The following NAALADL2 variants were observed in gnomAD, a reference collection of about 807,000 sequenced individuals.
NAALADL2 encodes N-acetylated alpha-linked acidic dipeptidase like 2.
In NAALADL2, 76 loss-of-function variants were observed where a neutral mutation model predicts 87.2. The ratio of observed to expected loss-of-function variants is 0.87; its 90% confidence interval spans 0.72 to 1.05. The LOEUF (loss-of-function observed/expected upper bound fraction) is 1.05, where lower values mean the gene tolerates loss of function less well. NAALADL2 is among the 50% of genes least tolerant of loss of function. The probability of loss-of-function intolerance (pLI) is 0.00; values close to 1 mark genes in which losing one functional copy is unlikely to be tolerated. For synonymous variants in NAALADL2, 354 were observed against 331.0 expected, an observed-to-expected ratio of 1.07 and a Z score of -0.75; for missense variants, 1,089 against 945.8, an observed-to-expected ratio of 1.15 and a Z score of -1.99.
At chr3:174,776,228 A>G (rs905464054) in intron 3 of NAALADL2, among the ~76,000 whole-genome samples, 1 of 152,094 alleles carries the variant, frequency 6.6e-6, no homozygotes, top group African/African-American at 2.4e-5. Flanking sequence ...TAACATCAAC[A>G]ATACTCTAAG....
intron 2 of NAALADL2, among the ~76,000 whole-genome samples, chr3:174,605,394 A>G (rs1339261734): frequency 6.6e-6 from 1 of 152,218 alleles, no homozygotes; most frequent in Non-Finnish European, 1.5e-5. Context: ...ACAAGGGGTC[A>G]GGGAGTTCCC....
intron 1 of NAALADL2, among the ~76,000 whole-genome samples, chr3:174,868,347 T>A (rs1376710398): frequency 6.6e-6 from 1 of 152,150 alleles, no homozygotes; most frequent in Non-Finnish European, 1.5e-5. Context: ...GATGTGCTTA[T>A]TTATATTTGT....
intron 1 of NAALADL2, among the ~76,000 whole-genome samples, chr3:174,880,555 C>T (rs1270221589): frequency 1.3e-5 from 2 of 151,922 alleles, no homozygotes; most frequent in Admixed American, 1.3e-4. Flanking sequence ...TTACTTCTAC[C>T]CTTGCATCTC....
chr3:174,992,141 A>G (rs546237658), intron 1 of NAALADL2, among the ~76,000 whole-genome samples: 2 of 152,188 alleles, frequency 1.3e-5, no homozygotes, highest in Admixed American at 6.6e-5. Context: ...AGATATTGCA[A>G]TGAATATGGT....
intron 3 of NAALADL2, among the ~76,000 whole-genome samples, chr3:174,787,598 T>TATATATACACAC (rs1716902975): frequency 1.7e-5 from 1 of 60,184 alleles, no homozygotes; most frequent in African/African-American, 5.8e-5. Context: ...TATATATATA[T>TATATATACACAC]ATATATATAT....
At chr3:174,622,887 C>T (rs1485100009) in intron 2 of NAALADL2, among the ~76,000 whole-genome samples, 1 of 151,962 alleles carries the variant, frequency 6.6e-6, no homozygotes, top group African/African-American at 2.4e-5. Context: ...AAAAAAAGTA[C>T]AAAAAATTAG....
At chr3:175,056,536 C>T (rs1426095120) in intron 1 of NAALADL2, among the ~76,000 whole-genome samples, 1 of 152,092 alleles carries the variant, frequency 6.6e-6, no homozygotes, top group Non-Finnish European at 1.5e-5. Context: ...CAGGGAGATC[C>T]TCACCCAGCA....
At chr3:175,400,615 T>C (rs1444854490) in intron 5 of NAALADL2, among the ~76,000 whole-genome samples, 1 of 152,170 alleles carries the variant, frequency 6.6e-6, no homozygotes, top group Admixed American at 6.6e-5. Flanking sequence ...AGCTGGATTA[T>C]TTATAACCCA....
intron 3 of NAALADL2, among the ~76,000 whole-genome samples, chr3:174,844,867 G>A (rs1176992286): frequency 3.7e-5 from 3 of 82,172 alleles, no homozygotes; most frequent in East Asian, 6.2e-4. Flanking sequence ...TTTTTTGGGG[G>A]AGTCTTTAGG....
chr3:174,712,695 C>T (rs914203067), intron 2 of NAALADL2, among the ~76,000 whole-genome samples: 7 of 152,074 alleles, frequency 4.6e-5, no homozygotes, highest in African/African-American at 1.7e-4. Context: ...CTCACTTCTA[C>T]TCTTAACCCA....
At chr3:175,419,085 C>T (rs1241009620) in intron 5 of NAALADL2, among the ~76,000 whole-genome samples, 1 of 151,400 alleles carries the variant, frequency 6.6e-6, no homozygotes, top group Admixed American at 6.6e-5. Context: ...ACAGACCTGT[C>T]AAGTGTCAGA....
chr3:175,240,198 G>A (rs553866754), intron 3 of NAALADL2, among the ~76,000 whole-genome samples: 17 of 152,310 alleles, frequency 1.1e-4, no homozygotes, highest in African/African-American at 4.1e-4. Flanking sequence ...CAAATGAAAT[G>A]TTTTATTCTT....
At chr3:175,490,539 A>G (rs1582106243) in intron 9 of NAALADL2, among the ~76,000 whole-genome samples, 1 of 146,562 alleles carries the variant, frequency 6.8e-6, no homozygotes, top group African/African-American at 2.5e-5. Flanking sequence ...GGCACCCGCC[A>G]CCACGCCTGG....
intron 1 of NAALADL2, among the ~76,000 whole-genome samples, chr3:174,932,672 A>T (rs1343748094): frequency 6.6e-6 from 1 of 152,186 alleles, no homozygotes; most frequent in Non-Finnish European, 1.5e-5. Context: ...CAGCAAAAAA[A>T]TACCATATAG....
chr3:175,137,973 A>G (rs1729385633), intron 2 of NAALADL2, among the ~76,000 whole-genome samples: 1 of 152,176 alleles, frequency 6.6e-6, no homozygotes, highest in South Asian at 2.1e-4. Context: ...GTCAAACACC[A>G]TCTTCCAAAA....
intron 13 of NAALADL2, among the ~76,000 whole-genome samples, chr3:175,779,369 A>G (rs1277621620): frequency 6.6e-6 from 1 of 152,218 alleles, no homozygotes; most frequent in Admixed American, 6.5e-5. Context: ...TTAGATGAAC[A>G]TAATTTTGAT....
intron 9 of NAALADL2, among the ~76,000 whole-genome samples, chr3:175,526,950 A>G (rs1258112361): frequency 6.6e-6 from 1 of 152,164 alleles, no homozygotes. Flanking sequence ...TCACAAGTCC[A>G]TTTCTAAAGA....
rs919158200 is a variant in NAALADL2 at position 174,639,987 on chromosome 3, G to T, written c.-115+89350G>T. Among the ~76,000 whole-genome samples the T allele has an allele frequency of 5.3e-5, 8 of 152,098 alleles. No homozygotes were observed. In the South Asian group the frequency reaches 6.2e-4, roughly 12 times the overall value. On this transcript the variant is annotated intron_variant, in intron 2 of 3. Coordinates refer to the NAALADL2 transcript ENST00000434257. Reference sequence around the variant, plus strand: ...GGTGTTTAGAAGTTCTGAAGTGTTTGTGCTTACTTTCCCTCCATTACCTCT... The same window carrying T: ...GGTGTTTAGAAGTTCTGAAGTGTTTTTGCTTACTTTCCCTCCATTACCTCT...
At chr3:175,795,542 G>T (rs543794566) in intron 13 of NAALADL2, among the ~76,000 whole-genome samples, 2 of 151,702 alleles carry the variant, frequency 1.3e-5, no homozygotes, top group East Asian at 3.9e-4. Flanking sequence ...AATTAGCTGG[G>T]CGTGGTGGCG....
Sources: gnomAD v4.1 joint callset for allele counts (sites outside exome capture counted in the v4.1 genomes callset) on GRCh38, gnomAD v4.1.1 for gene constraint, MANE v1.5 for transcripts, NCBI Gene and HGNC (gene_info 2026-07-23, HGNC 2026-07-21) for gene names.